Variants in CAND1 observed in about 807,000 individuals in gnomAD.
CAND1 encodes cullin associated and neddylation dissociated 1.
A neutral mutation model predicts 108.5 loss-of-function variants in CAND1; 7 were observed. The ratio of observed to expected loss-of-function variants is 0.06; its 90% CI spans 0.04 to 0.12. CAND1 has a LOEUF of 0.12. Among genes scored for constraint, CAND1 ranks in the 10% least tolerant of loss-of-function variants. The pLI, the probability that CAND1 is intolerant of heterozygous loss-of-function variation, is 1.00. For synonymous variants in CAND1, 534 were observed against 512.0 expected, an observed-to-expected ratio of 1.04 and a Z score of -0.58; for missense variants, 941 against 1,448.7, an observed-to-expected ratio of 0.65 and a Z score of 5.69.
chr12:67,270,057 T>G, intron 1 of CAND1: 1 of 432,598 alleles, frequency 2.3e-6, no homozygotes. Context: ...CATCCTTCCC[T>G]GCCCCACCAG....
intron 1 of CAND1, among the ~76,000 whole-genome samples, chr12:67,276,983 G>T (rs941650235): frequency 6.6e-6 from 1 of 152,162 alleles, no homozygotes; most frequent in African/African-American, 2.4e-5. Context: ...CCTTTCTTCT[G>T]TTGTAAGATG....
chr12:67,299,037 T>TGATGAA lies in CAND1; in HGVS notation c.955_960dup (p.Asp319_Glu320dup). On this transcript the variant is annotated inframe_insertion, in exon 7 of 15. Transcript: ENST00000545606. ...CCTATGATCCAAATTATAATTACGA[T>TGATGAA]GATGAAGATGAAGATGAAAATGCAA... 1 of 1,496,432 alleles carries TGATGAA rather than the reference T, an allele frequency of 6.7e-7. No homozygotes were observed. Among genetic ancestry groups the TGATGAA allele is most frequent in the East Asian group, 2.3e-5 (1 of 43,868 alleles). 92.7% of individuals were successfully genotyped at this position (1,496,432 alleles called of 1,614,324 possible).
chr12:67,306,661 C>A, intron 10 of CAND1, 64 bp downstream of exon 10: 4 of 1,242,068 alleles, frequency 3.2e-6, no homozygotes, highest in Non-Finnish European at 4.5e-6. Flanking sequence ...TTAAAAGACA[C>A]CTAATAAAGA....
At chr12:67,281,087 A>T (rs1006580353) in intron 1 of CAND1, among the ~76,000 whole-genome samples, 4 of 151,232 alleles carry the variant, frequency 2.6e-5, no homozygotes, top group African/African-American at 9.7e-5. Context: ...AATAATACTA[A>T]ATTATTTTTT....
chr12:67,304,867 A>T, intron 9 of CAND1, 121 bp downstream of exon 9: 3 of 1,196,854 alleles, frequency 2.5e-6, no homozygotes, highest in Non-Finnish European at 3.5e-6. Context: ...ATGCACATAG[A>T]GCTAACTTTT....
chr12:67,279,836 A>G (rs1009778734), intron 1 of CAND1, among the ~76,000 whole-genome samples: 2 of 152,210 alleles, frequency 1.3e-5, no homozygotes, highest in Non-Finnish European at 2.9e-5. Context: ...ATGTTTTTCT[A>G]CTTAAATTGA....
In CAND1 at chr12:67,273,111, C is replaced by T. The variant is rs146283260; in HGVS notation, c.68+3326C>T. ...GATAGTGCCTGTTACTTACTAGCCT[C>T]GGTTTAGTGAAAAGTTATTAATGAA... On this transcript the variant is annotated intron_variant, in intron 1 of 14. Transcript: ENST00000545606. 6.9e-3 allele frequency among the ~76,000 whole-genome samples: 1,049 copies of T among 152,266 alleles called. 6 individuals are homozygous for T. The highest frequency in any genetic ancestry group is 8.4e-3 in the Non-Finnish European group (573 of 68,028).
At chr12:67,278,822 A>G (rs148937835) in intron 1 of CAND1, among the ~76,000 whole-genome samples, 161 of 152,340 alleles carry the variant, frequency 1.1e-3, no homozygotes, top group African/African-American at 3.7e-3. Flanking sequence ...ACCTGGCCCC[A>G]TAGTGTTTTC....
chr12:67,301,710 T>C (rs996375972), intron 7 of CAND1, among the ~76,000 whole-genome samples: 1 of 152,180 alleles, frequency 6.6e-6, no homozygotes, highest in African/African-American at 2.4e-5. Context: ...AAGACAAAAT[T>C]GTGAAAGGTT....
intron 4 of CAND1, among the ~76,000 whole-genome samples, 199 bp downstream of exon 4, chr12:67,295,355 A>T (rs750269891): frequency 3.3e-5 from 5 of 152,232 alleles, no homozygotes; most frequent in Non-Finnish European, 7.3e-5. Context: ...AATATTGTAT[A>T]GTAAACATTT....
At position 67,311,768 on chromosome 12, in the gene CAND1, G is replaced by A; in HGVS notation, c.3436G>A (p.Val1146Ile). Reference protein sequence around the residue: ...SAVLQRLDRLVEPLRATCTTK... With the variant: ...SAVLQRLDRLIEPLRATCTTK... ...AGTACTGCAGAGGTTGGACCGACTT[G>A]TTGAGCCATTACGTGCAACATGTAC... is the stretch of plus-strand genomic sequence containing the variant. Residue 1146 changes from valine (V) to isoleucine (I), a missense_variant, in exon 14 of 15, where the codon GTT becomes ATT. This residue lies in a region of CAND1 where 22 missense variants were observed against 24.4 expected (regional missense o/e 0.90). Coordinates refer to ENST00000545606, the MANE Select transcript of CAND1 (RefSeq NM_018448.5). 6.2e-7 allele frequency: 1 copy of A among 1,611,140 alleles called. No individual in the cohort carries two copies.
intron 2 of CAND1, among the ~76,000 whole-genome samples, chr12:67,290,750 T>G (rs1175097439): frequency 6.6e-6 from 1 of 152,092 alleles, no homozygotes; most frequent in Non-Finnish European, 1.5e-5. Context: ...AGTGACTTCT[T>G]AATATAGGGG....
rs761590463 is a variant in CAND1, at chr12:67,307,404, A to G, written c.2937A>G (p.Ser979=). ...CAATTTATTTTTAACTAGGCTCATCATATGCCCGAAGCTCAGTGGTTACGG... is the reference window on the plus strand; with the variant it reads ...CAATTTATTTTTAACTAGGCTCATCGTATGCCCGAAGCTCAGTGGTTACGG... ...RLKGYLISGS[S]YARSSVVTAV... Residue 979 remains serine, a synonymous_variant, in exon 11 of 15, where the codon TCA becomes TCG. Coordinates refer to ENST00000545606, the MANE Select transcript of CAND1 (RefSeq NM_018448.5). 5.0e-6 allele frequency: 8 copies of G among 1,610,338 alleles called. No homozygotes were observed. The highest frequency in any genetic ancestry group is 2.2e-5 in the South Asian group (2 of 90,568).
At chr12:67,302,248 T>A in intron 7 of CAND1, 75 bp from the exon 8 acceptor site, 1 of 1,331,338 alleles carries the variant, frequency 7.5e-7, no homozygotes, top group Non-Finnish European at 1.0e-6. Context: ...GTTAAGAATA[T>A]CAATTGATTT....
At chr12:67,282,515 G>A (rs1356715421) in intron 2 of CAND1, among the ~76,000 whole-genome samples, 6 of 151,754 alleles carry the variant, frequency 4.0e-5, no homozygotes, top group African/African-American at 9.7e-5. Flanking sequence ...ATCACAGCTC[G>A]CTGCAGCCTT....
intron 11 of CAND1, 50 bp from the exon 12 acceptor site, chr12:67,309,846 ATATTG>A: frequency 1.7e-6 from 2 of 1,186,122 alleles, no homozygotes; most frequent in Admixed American, 2.2e-5. Flanking sequence ...AATATAATGT[ATATTG>A]TATTTTAAGT....
chr12:67,309,556 A>G (rs923719925), intron 11 of CAND1, among the ~76,000 whole-genome samples: 3 of 152,012 alleles, frequency 2.0e-5, no homozygotes, highest in Admixed American at 2.0e-4. Context: ...TACAAGGAGA[A>G]TCAAGCATGT....
In CAND1 at chr12:67,305,342, G is replaced by A. The variant is rs201576354; in HGVS notation, c.1674G>A (p.Ser558=). Residue 558 remains serine (S), a synonymous_variant, in exon 10 of 15, where the codon TCG becomes TCA. Coordinates refer to ENST00000545606, the MANE Select transcript of CAND1 (RefSeq NM_018448.5). The surrounding 1 kb of genome is among the most constrained non-coding windows in gnomAD (Gnocchi z 4.4). ...TTCGTCCTTTAGATCAGCCTTCCTC[G>A]TTTGATGCAACTCCTTATATCAAAG... ...KVIRPLDQPS[S]FDATPYIKDL... 6.8e-6 allele frequency: 11 copies of A among 1,614,006 alleles called. No individual in the cohort carries two copies. Among genetic ancestry groups the A allele is most frequent in the South Asian group, 3.3e-5 (3 of 91,076 alleles).
intron 1 of CAND1, among the ~76,000 whole-genome samples, chr12:67,272,964 G>C (rs1454618379): frequency 2.0e-5 from 3 of 152,086 alleles, no homozygotes; most frequent in African/African-American, 7.2e-5. Flanking sequence ...CAGAGTGCTG[G>C]GATTACAGGC....
Sources: allele counts gnomAD v4.1 joint callset (sites outside exome capture counted in the v4.1 genomes callset), GRCh38; gene constraint gnomAD v4.1.1; regional missense constraint gnomAD v4.1.1; non-coding constraint Gnocchi (gnomAD v3.1); transcripts MANE v1.5; gene names NCBI Gene and HGNC (gene_info 2026-07-23, HGNC 2026-07-21).